The following GRM5 variants were observed in gnomAD, a reference collection of about 807,000 sequenced individuals.
GRM5 encodes the protein glutamate metabotropic receptor 5.
A neutral mutation model predicts 83.1 loss-of-function variants in GRM5; 19 were observed. The ratio of observed to expected loss-of-function variants is 0.23; its 90% CI spans 0.16 to 0.34. GRM5 has a LOEUF of 0.34. GRM5 is among the 10% of genes least tolerant of loss of function. The pLI is 1.00. For synonymous variants in GRM5, 675 were observed against 633.6 expected, an observed-to-expected ratio of 1.07 and a Z score of -0.98; for missense variants, 1,160 against 1,588.3, an observed-to-expected ratio of 0.73 and a Z score of 4.58.
intron 2 of GRM5, among the ~76,000 whole-genome samples, chr11:88,873,060 T>C (rs1944796234): frequency 6.6e-6 from 1 of 150,606 alleles, no homozygotes; most frequent in Admixed American, 6.6e-5. Context: ...AAAGCAGGAG[T>C]AGCTATACTT....
At chr11:89,034,326 A>G (rs1941333147) in intron 2 of GRM5, among the ~76,000 whole-genome samples, 1 of 151,910 alleles carries the variant, frequency 6.6e-6, no homozygotes, top group African/African-American at 2.4e-5. Context: ...TACACCATCT[A>G]CGGTGCTCTA....
chr11:88,960,951 A>G (rs1269589836), intron 2 of GRM5, among the ~76,000 whole-genome samples: 1 of 152,210 alleles, frequency 6.6e-6, no homozygotes, highest in African/African-American at 2.4e-5. Flanking sequence ...TGATATTGAT[A>G]AGAAAACAAG....
At chr11:88,511,576 C>T (rs184835570) in intron 9 of GRM5, among the ~76,000 whole-genome samples, 60 of 152,366 alleles carry the variant, frequency 3.9e-4, no homozygotes, top group Admixed American at 1.7e-3. Context: ...TTCCACCCCA[C>T]TCTGCCCTTC....
chr11:88,986,274 T>A (rs910086953), intron 2 of GRM5, among the ~76,000 whole-genome samples: 1 of 152,168 alleles, frequency 6.6e-6, no homozygotes, highest in Non-Finnish European at 1.5e-5. Context: ...TCAATTTATA[T>A]AACATTCTTG....
chr11:88,841,795 AG>A (rs761088477), intron 3 of GRM5, among the ~76,000 whole-genome samples: 78 of 152,256 alleles, frequency 5.1e-4, no homozygotes, highest in Non-Finnish European at 1.0e-3. Flanking sequence ...GTGTTATTTA[AG>A]GTTCACAGTA....
intron 3 of GRM5, among the ~76,000 whole-genome samples, chr11:88,797,827 T>TA (rs35642201): frequency 0.41 from 60,379 of 147,742 alleles, 13,970 homozygotes; most frequent in African/African-American, 0.62. Flanking sequence ...TTGCTGTTGT[T>TA]AAAAAAAAAA....
intron 2 of GRM5, among the ~76,000 whole-genome samples, chr11:88,992,071 C>T (rs1259129302): frequency 2.0e-5 from 3 of 152,234 alleles, no homozygotes; most frequent in South Asian, 2.1e-4. Context: ...TCAGAGTGAA[C>T]AGGCAACCTA....
chr11:88,807,676 C>T (rs936943159), intron 3 of GRM5, among the ~76,000 whole-genome samples: 1 of 151,916 alleles, frequency 6.6e-6, no homozygotes, highest in Admixed American at 6.6e-5. Flanking sequence ...AGTCTGTCAC[C>T]AAAAGAGAGA....
intron 9 of GRM5, among the ~76,000 whole-genome samples, chr11:88,521,709 T>C (rs1175925619): frequency 2.6e-5 from 4 of 151,886 alleles, no homozygotes; most frequent in Admixed American, 2.0e-4. Flanking sequence ...TATTCAGACA[T>C]GAGGTTAAAA....
At chr11:88,578,460 T>C (rs1943157816) in intron 7 of GRM5, among the ~76,000 whole-genome samples, 1 of 152,188 alleles carries the variant, frequency 6.6e-6, no homozygotes, top group Non-Finnish European at 1.5e-5. Flanking sequence ...AGAGTGGTTT[T>C]TGACCACAAT....
At chr11:88,910,906 A>T (rs1945486141) in intron 2 of GRM5, among the ~76,000 whole-genome samples, 2 of 152,042 alleles carry the variant, frequency 1.3e-5, no homozygotes, top group African/African-American at 4.8e-5. Flanking sequence ...GAAATATTTT[A>T]AAATTGCTGG....
intron 3 of GRM5, among the ~76,000 whole-genome samples, chr11:88,731,940 A>G (rs944163999): frequency 9.9e-5 from 15 of 152,086 alleles, no homozygotes; most frequent in African/African-American, 3.6e-4. Context: ...CCATTGAATC[A>G]ATGCTCAGTA....
chr11:89,010,313 A>G (rs945024329), intron 2 of GRM5, among the ~76,000 whole-genome samples: 3 of 152,226 alleles, frequency 2.0e-5, no homozygotes, highest in African/African-American at 7.2e-5. Flanking sequence ...TTATCATGAC[A>G]CTACCCTATA....
At chr11:88,772,769 G>T (rs1348407302) in intron 3 of GRM5, among the ~76,000 whole-genome samples, 1 of 152,116 alleles carries the variant, frequency 6.6e-6, no homozygotes, top group African/African-American at 2.4e-5. Flanking sequence ...TCCCTACAAA[G>T]GACATGAACT....
chr11:89,047,224 C>G lies in GRM5; in HGVS notation c.649G>C (p.Val217Leu), dbSNP rs549609828. 1 of 1,609,020 alleles carries G rather than the reference C, an allele frequency of 6.2e-7. No individual in the cohort carries two copies. Among genetic ancestry groups the G allele is most frequent in the Admixed American group, 1.7e-5 (1 of 59,792 alleles). ...KRYNWTYVSAVHTEGNYGESG... is the reference protein window; with the variant it reads ...KRYNWTYVSALHTEGNYGESG... ...AAAGGAAACTTACCTTCTGTGTGCACGGCTGATACATAGGTCCAGTTGTAC... is the reference window on the plus strand; with the variant it reads ...AAAGGAAACTTACCTTCTGTGTGCAGGGCTGATACATAGGTCCAGTTGTAC... Residue 217 changes from valine to leucine, a missense_variant, in exon 2 of 10, where the codon GTG becomes CTG. By Grantham distance (32) the Val-to-Leu change is conservative. This residue lies in a region of GRM5 where 84 missense variants were observed against 231.0 expected (regional missense o/e 0.36). Transcript: ENST00000305447. This position sits in a 1 kb window ranked among gnomAD's most constrained non-coding sequence, Gnocchi z 5.1.
intron 8 of GRM5, among the ~76,000 whole-genome samples, chr11:88,556,262 G>C (rs577511464): frequency 6.6e-6 from 1 of 151,928 alleles, no homozygotes; most frequent in Non-Finnish European, 1.5e-5. Context: ...ATGACCCCAG[G>C]ATTAGTGAAA....
chr11:89,006,562 T>C (rs1293632417), intron 2 of GRM5, among the ~76,000 whole-genome samples: 1 of 152,198 alleles, frequency 6.6e-6, no homozygotes, highest in Non-Finnish European at 1.5e-5. Flanking sequence ...AAATTATTAA[T>C]GATGGGCTAA....
chr11:88,913,023 T>C (rs1945525729), intron 2 of GRM5, among the ~76,000 whole-genome samples: 1 of 152,214 alleles, frequency 6.6e-6, no homozygotes, highest in Non-Finnish European at 1.5e-5. Flanking sequence ...GAACAAATGC[T>C]CCCTGATTTT....
At chr11:88,788,301 C>A (rs1038231739) in intron 3 of GRM5, among the ~76,000 whole-genome samples, 4 of 151,992 alleles carry the variant, frequency 2.6e-5, no homozygotes, top group Non-Finnish European at 5.9e-5. Flanking sequence ...CAAAGCAGAT[C>A]AATCATAATA....
Sources: allele counts gnomAD v4.1 joint callset (sites outside exome capture counted in the v4.1 genomes callset), GRCh38; gene constraint gnomAD v4.1.1; regional missense constraint gnomAD v4.1.1; non-coding constraint Gnocchi (gnomAD v3.1); transcripts MANE v1.5; gene names NCBI Gene and HGNC (gene_info 2026-07-23, HGNC 2026-07-21).